The following KCNIP4 variants were observed in gnomAD, a reference collection of about 807,000 sequenced individuals.
The protein encoded by KCNIP4 is potassium voltage-gated channel interacting protein 4, also known as Kv channel-interacting protein 4.
A neutral mutation model predicts 34.0 loss-of-function variants in KCNIP4; 12 were observed. The observed-to-expected ratio is 0.35, with a 90% confidence interval of 0.23 to 0.57. The LOEUF (loss-of-function observed/expected upper bound fraction) is 0.57. Ranked by LOEUF, KCNIP4 falls within the 20% of genes least tolerant of loss-of-function variation. The probability of loss-of-function intolerance (pLI) is 0.83; values close to 1 mark genes in which losing one functional copy is unlikely to be tolerated. For synonymous variants in KCNIP4, 124 were observed against 102.2 expected, an observed-to-expected ratio of 1.21 and a Z score of -1.29; for missense variants, 238 against 311.7, an observed-to-expected ratio of 0.76 and a Z score of 1.78.
chr4:21,416,312 G>A (rs1724950573), intron 1 of KCNIP4, among the ~76,000 whole-genome samples: 1 of 152,112 alleles, frequency 6.6e-6, no homozygotes, highest in Admixed American at 6.6e-5. Context: ...GGGATTAGGA[G>A]GCATCTTGTA....
chr4:21,928,862 T>C (rs914197999), intron 1 of KCNIP4, among the ~76,000 whole-genome samples: 20 of 149,128 alleles, frequency 1.3e-4, no homozygotes, highest in African/African-American at 4.6e-4. Flanking sequence ...CCATATTCCT[T>C]CCCGAGATCA....
intron 1 of KCNIP4, among the ~76,000 whole-genome samples, chr4:21,094,536 T>C (rs1577680191): frequency 6.6e-6 from 1 of 152,126 alleles, no homozygotes; most frequent in Non-Finnish European, 1.5e-5. Flanking sequence ...ACATTGTCAA[T>C]AAGAATTGCC....
intron 1 of KCNIP4, among the ~76,000 whole-genome samples, chr4:21,878,358 G>A (rs552379715): frequency 3.4e-4 from 52 of 152,332 alleles, no homozygotes; most frequent in African/African-American, 1.2e-3. Flanking sequence ...TTACAGGCAT[G>A]AGCCACAGTA....
chr4:20,827,772 A>G (rs535821680), intron 3 of KCNIP4, among the ~76,000 whole-genome samples: 1 of 150,628 alleles, frequency 6.6e-6, no homozygotes, highest in South Asian at 2.1e-4. Context: ...ACACCTTTCT[A>G]TTTAGAATTC....
intron 1 of KCNIP4, among the ~76,000 whole-genome samples, chr4:21,115,000 G>A (rs6448018): frequency 0.29 from 44,851 of 152,040 alleles, 7,371 homozygotes; most frequent in African/African-American, 0.45. Flanking sequence ...GCCATTTCTT[G>A]TTAGTTTAAT....
chr4:21,185,162 A>T lies in KCNIP4; in HGVS notation c.62-302453T>A, dbSNP rs578065124. ...AATGTTTCATACTATCTAATATTCA[A>T]ATTGTGCTAAGGTTTGGGAGAAGAC... is the stretch of plus-strand genomic sequence containing the variant. On this transcript the variant is annotated intron_variant, in intron 1 of 8. Transcript: ENST00000382152. Among the ~76,000 whole-genome samples the T allele has an allele frequency of 7.6e-4, 116 of 152,264 alleles. 1 individual carries two copies. Among genetic ancestry groups the T allele is most frequent in the African/African-American group, 2.5e-3 (105 of 41,538 alleles).
chr4:21,553,591 A>T (rs1355310215), intron 1 of KCNIP4, among the ~76,000 whole-genome samples: 2 of 152,070 alleles, frequency 1.3e-5, no homozygotes, highest in African/African-American at 4.8e-5. Flanking sequence ...AGGCACCCTG[A>T]TGAGGCATTT....
intron 3 of KCNIP4, among the ~76,000 whole-genome samples, chr4:20,844,846 T>C (rs979918184): frequency 8.5e-5 from 13 of 152,156 alleles, no homozygotes; most frequent in Admixed American, 3.3e-4. Context: ...AGAACTCAGA[T>C]GTCCTGCTGG....
At chr4:21,865,124 T>A (rs1437625150) in intron 1 of KCNIP4, among the ~76,000 whole-genome samples, 6 of 151,840 alleles carry the variant, frequency 4.0e-5, no homozygotes, top group African/African-American at 1.4e-4. Flanking sequence ...TTAAGTCAAA[T>A]TTTAAAAAAA....
chr4:21,125,205 T>A (rs973540601), intron 1 of KCNIP4, among the ~76,000 whole-genome samples: 6 of 144,732 alleles, frequency 4.1e-5, no homozygotes, highest in Non-Finnish European at 7.5e-5. Context: ...TATTTTATTT[T>A]ATTTTATTTT....
intron 1 of KCNIP4, among the ~76,000 whole-genome samples, chr4:21,446,778 C>A (rs1221276447): frequency 6.6e-6 from 1 of 151,892 alleles, no homozygotes; most frequent in African/African-American, 2.4e-5. Flanking sequence ...AAAAATTATT[C>A]CCAAACATAA....
intron 3 of KCNIP4, among the ~76,000 whole-genome samples, chr4:20,789,633 G>A (rs1213158375): frequency 2.0e-5 from 3 of 151,904 alleles, no homozygotes; most frequent in Non-Finnish European, 4.4e-5. Context: ...AAAGCACTAG[G>A]TCATTGAGGT....
At chr4:21,907,018 T>C (rs982639237) in intron 1 of KCNIP4, among the ~76,000 whole-genome samples, 3 of 152,190 alleles carry the variant, frequency 2.0e-5, no homozygotes, top group Non-Finnish European at 4.4e-5. Context: ...CTTTATTTAC[T>C]CTCCTATGGA....
intron 2 of KCNIP4, among the ~76,000 whole-genome samples, chr4:20,880,073 G>C (rs892603602): frequency 6.6e-6 from 1 of 152,076 alleles, no homozygotes; most frequent in Non-Finnish European, 1.5e-5. Flanking sequence ...TTTAATAGCA[G>C]GGCTGATATT....
chr4:21,039,078 G>C (rs1275793051), intron 1 of KCNIP4, among the ~76,000 whole-genome samples: 1 of 152,198 alleles, frequency 6.6e-6, no homozygotes, highest in Non-Finnish European at 1.5e-5. Context: ...AGCATCAAGA[G>C]GCTGGGCGCG....
At chr4:21,934,805 T>C (rs562768338) in intron 1 of KCNIP4, among the ~76,000 whole-genome samples, 1 of 152,236 alleles carries the variant, frequency 6.6e-6, no homozygotes, top group Admixed American at 6.5e-5. Context: ...TCTCAATCAC[T>C]GGATGTGTGA....
At chr4:21,538,919 T>G (rs530301420) in intron 1 of KCNIP4, among the ~76,000 whole-genome samples, 2 of 152,310 alleles carry the variant, frequency 1.3e-5, no homozygotes, top group East Asian at 3.9e-4. Context: ...TTGTAATCCC[T>G]GTGTGTCAAG....
intron 1 of KCNIP4, among the ~76,000 whole-genome samples, chr4:21,908,762 A>C (rs1728137633): frequency 6.6e-6 from 1 of 152,136 alleles, no homozygotes; most frequent in African/African-American, 2.4e-5. Flanking sequence ...ACAGTGTCTT[A>C]TTATATTTTT....
chr4:21,574,171 T>C (rs1172757520), intron 1 of KCNIP4, among the ~76,000 whole-genome samples: 4 of 152,184 alleles, frequency 2.6e-5, no homozygotes, highest in Admixed American at 6.6e-5. Context: ...ACCATGCATC[T>C]TACAAATGGT....
Sources: allele counts gnomAD v4.1 joint callset (sites outside exome capture counted in the v4.1 genomes callset), GRCh38; gene constraint gnomAD v4.1.1; transcripts MANE v1.5; gene names NCBI Gene and HGNC (gene_info 2026-07-23, HGNC 2026-07-21).